Variants in PLXNC1 observed in about 807,000 individuals in gnomAD.
PLXNC1 encodes plexin C1, also known as plexin-C1.
In PLXNC1, 75 loss-of-function variants were observed where a neutral mutation model predicts 178.2. The observed-to-expected ratio is 0.42, with a 90% CI of 0.35 to 0.51. PLXNC1 has a LOEUF of 0.51. PLXNC1 is among the 20% of genes least tolerant of loss of function. The probability of loss-of-function intolerance (pLI) is 0.02; values close to 1 mark genes in which losing one functional copy is unlikely to be tolerated. For synonymous variants in PLXNC1, 790 were observed against 779.9 expected, an observed-to-expected ratio of 1.01 and a Z score of -0.22; for missense variants, 1,503 against 1,984.4, an observed-to-expected ratio of 0.76 and a Z score of 4.61.
intron 27 of PLXNC1, 85 bp downstream of exon 27, chr12:94,298,880 G>C: frequency 7.8e-7 from 1 of 1,289,422 alleles, no homozygotes; most frequent in Non-Finnish European, 1.1e-6. Context: ...GTTATAGAAG[G>C]ATTCATTTAT....
intron 2 of PLXNC1, among the ~76,000 whole-genome samples, chr12:94,176,700 G>T (rs568328417): frequency 6.6e-6 from 1 of 152,254 alleles, no homozygotes; most frequent in South Asian, 2.1e-4. Flanking sequence ...GGCAACCAAT[G>T]ATAGTAGTTT....
Position 94,297,098 on chromosome 12 carries a change from G to A in PLXNC1, c.3935-91G>A, listed in dbSNP as rs1334741425. ...AAAGCTCAAGTAACTTCAGTATACA[G>A]CACAAATGGGGCCTTTTAAGAGAAG... On this transcript the variant is annotated intron_variant, in intron 24 of 30. Transcript: ENST00000258526. 4.8e-6 allele frequency: 6 copies of A among 1,261,932 alleles called. No individual in the cohort carries two copies. The African/African-American group carries it at 8.9e-5, about 19-fold the overall frequency. 78.2% of individuals were successfully genotyped at this position (1,261,932 alleles called of 1,614,324 possible). A position where few individuals can be genotyped will look rare whatever the true frequency, so the allele number is the denominator to read the frequency against.
intron 2 of PLXNC1, among the ~76,000 whole-genome samples, chr12:94,177,181 A>G (rs1444028718): frequency 0.03 from 993 of 32,874 alleles, 26 homozygotes; most frequent in African/African-American, 0.12. Context: ...ATATACGTAT[A>G]TATATGTATA....
intron 5 of PLXNC1, among the ~76,000 whole-genome samples, chr12:94,212,216 G>A: frequency 1.5e-5 from 2 of 136,894 alleles, no homozygotes; most frequent in African/African-American, 5.5e-5. Flanking sequence ...GGAGCTTGCA[G>A]TGAGCCGAGA....
Position 94,149,031 on chromosome 12 carries a change from C to T in PLXNC1, c.60C>T (p.Pro20=). 6.7e-7 allele frequency: 1 copy of T among 1,500,876 alleles called. No homozygotes were observed. The highest frequency in any genetic ancestry group is 8.8e-7 in the Non-Finnish European group (1 of 1,132,142). The allele number at this position is 1,500,876 out of a possible 1,614,324, so 93.0% of individuals were successfully genotyped here. ...PRPPRPAAPL[P]LLAYLLALAA... ...CCCCGCGCCCCGCAGCGCCACTGCC[C>T]CTGCTCGCCTATCTGCTGGCACTGG... is the stretch of plus-strand genomic sequence containing the variant. Residue 20 remains proline, a synonymous_variant, in exon 1 of 31, where the codon CCC becomes CCT. Transcript: ENST00000258526.
At chr12:94,258,473 CTT>C (rs1964915351) in intron 17 of PLXNC1, among the ~76,000 whole-genome samples, 1 of 152,108 alleles carries the variant, frequency 6.6e-6, no homozygotes, top group East Asian at 1.9e-4. Flanking sequence ...AGAAGAAAAA[CTT>C]GAATGTTTTG....
At position 94,274,155 on chromosome 12, in the gene PLXNC1, TAAAAAAAAAAAAA is replaced by T. The variant is rs3060881; in HGVS notation, c.3598-5297_3598-5285del. Among the ~76,000 whole-genome samples, 253 of 45,366 alleles carry T rather than the reference TAAAAAAAAAAAAA, an allele frequency of 5.6e-3. 2 individuals are homozygous for T. The highest frequency in any genetic ancestry group is 0.027 in the African/African-American group (225 of 8,466). 29.8% of individuals were successfully genotyped at this position (45,366 alleles called of 152,430 possible). On this transcript the variant is annotated intron_variant, in intron 21 of 30. Transcript: ENST00000258526. ...GGGCAACACAGCAAGACCCTGTCTC[TAAAAAAAAAAAAA>T]AAAAAAAAAAAAAAAAAAATTTAGC...
chr12:94,150,174 G>C (rs1960904246), intron 1 of PLXNC1, 141 bp downstream of exon 1: 1 of 709,110 alleles, frequency 1.4e-6, no homozygotes, highest in Non-Finnish European at 2.2e-6. Flanking sequence ...TTCACACCGC[G>C]GGCGGCCGTC....
At chr12:94,254,389 C>T in intron 15 of PLXNC1, 1 of 389,036 alleles carries the variant, frequency 2.6e-6, no homozygotes. Context: ...TTTATTTCTC[C>T]AGGGATGCTT....
intron 17 of PLXNC1, among the ~76,000 whole-genome samples, chr12:94,258,737 TG>T (rs1964921223): frequency 6.6e-6 from 1 of 152,162 alleles, no homozygotes; most frequent in Admixed American, 6.5e-5. Context: ...ACCTCTGAGG[TG>T]GGAACCATTA....
intron 1 of PLXNC1, among the ~76,000 whole-genome samples, chr12:94,161,972 T>C (rs1431837800): frequency 6.6e-6 from 1 of 152,260 alleles, no homozygotes; most frequent in South Asian, 2.1e-4. Context: ...TAAGCATTTA[T>C]TGACAACCTA....
intron 9 of PLXNC1, among the ~76,000 whole-genome samples, chr12:94,233,195 G>T (rs1321605674): frequency 6.6e-6 from 1 of 152,200 alleles, no homozygotes; most frequent in Non-Finnish European, 1.5e-5. Context: ...GTCAGACCCA[G>T]ACACGGCTGG....
intron 23 of PLXNC1, 73 bp downstream of exon 23, chr12:94,282,474 A>C: frequency 1.0e-6 from 1 of 970,468 alleles, no homozygotes; most frequent in Non-Finnish European, 1.6e-6. Context: ...CTTTTAAAAC[A>C]TCCAGGACTC....
intron 4 of PLXNC1, among the ~76,000 whole-genome samples, chr12:94,192,309 A>G (rs1039195024): frequency 6.6e-6 from 1 of 152,136 alleles, no homozygotes; most frequent in Admixed American, 6.6e-5. Flanking sequence ...ACATTCATTC[A>G]TTCAATCCTA....
Position 94,148,961 on chromosome 12 carries a change from C to A in PLXNC1, c.-11C>A, listed in dbSNP as rs1288996329. ...CCGCGCGCCCTGCCCGGGGGCGGCC[C>A]CCCCAGCCCCATGGAGGTCTCCCGG... is the stretch of plus-strand genomic sequence containing the variant. On this transcript the variant is annotated 5_prime_UTR_variant, in exon 1 of 31. Coordinates refer to ENST00000258526, the MANE Select transcript of PLXNC1 (RefSeq NM_005761.3). This position sits in a 1 kb window ranked among gnomAD's most constrained non-coding sequence, Gnocchi z 4.8. 31 of 1,179,588 alleles carry A rather than the reference C, an allele frequency of 2.6e-5. No homozygotes were observed. The highest frequency in any genetic ancestry group is 3.2e-5 in the Non-Finnish European group (30 of 924,604). 73.1% of individuals were successfully genotyped at this position (1,179,588 alleles called of 1,614,324 possible). A position where few individuals can be genotyped will look rare whatever the true frequency, so the allele number is the denominator to read the frequency against.
intron 23 of PLXNC1, among the ~76,000 whole-genome samples, chr12:94,287,313 G>C (rs1027479867): frequency 1.3e-5 from 2 of 152,202 alleles, no homozygotes; most frequent in Non-Finnish European, 2.9e-5. Flanking sequence ...GACTATGAAG[G>C]GGACTGTGCT....
At chr12:94,187,447 AAG>A (rs1189331285) in intron 4 of PLXNC1, among the ~76,000 whole-genome samples, 1 of 152,218 alleles carries the variant, frequency 6.6e-6, no homozygotes, top group Non-Finnish European at 1.5e-5. Context: ...GGAATTAATT[AAG>A]AGTTCACGGG....
intron 9 of PLXNC1, among the ~76,000 whole-genome samples, chr12:94,235,467 A>C (rs891790429): frequency 6.6e-5 from 10 of 152,232 alleles, no homozygotes; most frequent in African/African-American, 2.4e-4. Context: ...AGGAAGGACT[A>C]TCTAGAAAGA....
At position 94,149,721 on chromosome 12, in the gene PLXNC1, C is replaced by A. The variant is rs1435794116; in HGVS notation, c.750C>A (p.Pro250=). The change falls in exon 1 of 31, where the codon CCC becomes CCA. Residue 250 remains proline (P), a synonymous_variant. Transcript: ENST00000258526. ...WNGSIYFPYY[P]YNYTSGAATG... is the part of the protein sequence containing the mutation. Reference sequence around the variant, plus strand: ...GCAGCATCTACTTCCCCTACTACCCCTACAACTACACGAGCGGCGCTGCCA... The same window carrying A: ...GCAGCATCTACTTCCCCTACTACCCATACAACTACACGAGCGGCGCTGCCA... 2 of 1,612,474 alleles carry A rather than the reference C, an allele frequency of 1.2e-6. No homozygotes were observed. Among genetic ancestry groups the A allele is most frequent in the South Asian group, 2.2e-5 (2 of 90,928 alleles).
Sources: gnomAD v4.1 joint callset for allele counts (sites outside exome capture counted in the v4.1 genomes callset) on GRCh38, gnomAD v4.1.1 for gene constraint, Gnocchi (gnomAD v3.1) non-coding constraint, MANE v1.5 for transcripts, NCBI Gene and HGNC (gene_info 2026-07-23, HGNC 2026-07-21) for gene names.